Variants in ESRRB observed in about 807,000 individuals in gnomAD.
The protein encoded by ESRRB is estrogen related receptor beta.
A neutral mutation model predicts 46.0 loss-of-function variants in ESRRB; 16 were observed. The ratio of observed to expected loss-of-function variants is 0.35; its 90% confidence interval spans 0.24 to 0.53. The LOEUF is 0.53. Among genes scored for constraint, ESRRB ranks in the 20% least tolerant of loss-of-function variants. The probability of loss-of-function intolerance (pLI) is 0.93; values close to 1 mark genes in which losing one functional copy is unlikely to be tolerated. For missense variants in ESRRB, 488 were observed against 607.4 expected, an observed-to-expected ratio of 0.80 and a Z score of 2.07; for synonymous variants, 246 against 259.6, an observed-to-expected ratio of 0.95 and a Z score of 0.50.
chr14:76,355,876 G>T (rs115522879), intron 1 of ESRRB, among the ~76,000 whole-genome samples: 213 of 152,242 alleles, frequency 1.4e-3, no homozygotes, highest in African/African-American at 4.8e-3. Flanking sequence ...ATGGTGAATA[G>T]TATTCTCTCT....
Position 76,358,392 on chromosome 14 carries a change from AAAGAAAGAAAGAAAG to A in ESRRB, c.2+47479_2+47493del, listed in dbSNP as rs1566859690. The stretch of plus-strand genomic sequence containing the variant: ...GAAAGAAAGAAAGAAAGAAAGAAAG[AAAGAAAGAAAGAAAG>A]AAAGAAAAGAAAAGAAAAAGAAAAA... On this transcript the variant is annotated intron_variant, in intron 1 of 6. Coordinates refer to the ESRRB transcript ENST00000512784. Among the ~76,000 whole-genome samples, 32 of 124,016 alleles carry A rather than the reference AAAGAAAGAAAGAAAG, an allele frequency of 2.6e-4. 1 individual carries two copies. Among genetic ancestry groups the A allele is most frequent in the African/African-American group, 5.7e-4 (18 of 31,524 alleles). The allele number at this position is 124,016 out of a possible 152,430, so 81.4% of individuals were successfully genotyped here.
At chr14:76,437,239 C>G (rs988098603) in intron 1 of ESRRB, among the ~76,000 whole-genome samples, 5 of 152,126 alleles carry the variant, frequency 3.3e-5, no homozygotes, top group African/African-American at 1.2e-4. Context: ...ACCATGTTGG[C>G]CAGGCTGGTC....
chr14:76,416,603 A>G (rs901173053), intron 1 of ESRRB, among the ~76,000 whole-genome samples: 5 of 151,748 alleles, frequency 3.3e-5, no homozygotes, highest in African/African-American at 1.2e-4. Context: ...CTGAGTAGCT[A>G]GGATTACAGA....
At chr14:76,447,073 G>T (rs554202839) in intron 2 of ESRRB, among the ~76,000 whole-genome samples, 1 of 152,084 alleles carries the variant, frequency 6.6e-6, no homozygotes, top group East Asian at 1.9e-4. Context: ...AGCTGCTTCC[G>T]TTCACTGATT....
intron 1 of ESRRB, among the ~76,000 whole-genome samples, chr14:76,384,541 C>A (rs1285205478): frequency 1.3e-5 from 2 of 152,128 alleles, no homozygotes; most frequent in Non-Finnish European, 2.9e-5. Context: ...ACGGTGTTAA[C>A]CACCTGGCCC....
At chr14:76,484,081 C>T (rs746817033) in intron 5 of ESRRB, among the ~76,000 whole-genome samples, 1 of 152,216 alleles carries the variant, frequency 6.6e-6, no homozygotes, top group Non-Finnish European at 1.5e-5. Flanking sequence ...GTCTCGAACT[C>T]CTGCCCTCAA....
At chr14:76,387,346 G>GC (rs1450867328) in intron 1 of ESRRB, among the ~76,000 whole-genome samples, 5 of 152,192 alleles carry the variant, frequency 3.3e-5, no homozygotes, top group Non-Finnish European at 5.9e-5. Context: ...GAGCTCTAGA[G>GC]CCCCCTACAG....
At chr14:76,394,979 C>T (rs1043518327) in intron 1 of ESRRB, among the ~76,000 whole-genome samples, 13 of 152,278 alleles carry the variant, frequency 8.5e-5, no homozygotes, top group African/African-American at 2.4e-4. Flanking sequence ...GCCGTCTGGG[C>T]GAGGTGGCCT....
chr14:76,332,829 T>TCA (rs1566853480), intron 1 of ESRRB, among the ~76,000 whole-genome samples: 1 of 10,086 alleles, frequency 9.9e-5, no homozygotes, highest in Non-Finnish European at 1.8e-4. Context: ...TTTATATATT[T>TCA]ATATATTATA....
chr14:76,370,239 A>C (rs1220447981), upstream of ESRRB, among the ~76,000 whole-genome samples: 3 of 151,600 alleles, frequency 2.0e-5, no homozygotes, highest in Non-Finnish European at 4.4e-5. Context: ...AAAAAAAAAA[A>C]ACACAAAAGT....
In ESRRB at chr14:76,499,858, C is replaced by T; in HGVS notation, c.*1400C>T. 2 of 1,613,976 alleles carry T rather than the reference C, an allele frequency of 1.2e-6. No individual in the cohort carries two copies. Among genetic ancestry groups the T allele is most frequent in the Non-Finnish European group, 8.5e-7 (1 of 1,179,826 alleles). ...GCAGCCCTGAACACCCATTTGTGCT[C>T]ACAGGTTGGCCAAGAGCAGCTTAGA... On this transcript the variant is annotated 3_prime_UTR_variant, in exon 7 of 7. Coordinates refer to ENST00000644823, the MANE Select transcript of ESRRB (RefSeq NM_001379180.1).
At chr14:76,437,701 A>T (rs9944056) in intron 1 of ESRRB, among the ~76,000 whole-genome samples, 62,210 of 151,978 alleles carry the variant, frequency 0.41, 13,248 homozygotes, top group African/African-American at 0.52. Context: ...CCACCCTCAG[A>T]CCCAATCCTG....
rs1455310268 is a variant in ESRRB, at chr14:76,439,567, T to C, written c.277T>C (p.Cys93Arg). ...AGGCGCCGGGCTGGGAGGCACCCCA[T>C]GCCGCAAGAGCTACGAGGACTGTGC... ...FAGAGLGGTPCRKSYEDCASG... is the reference protein window; with the variant it reads ...FAGAGLGGTPRRKSYEDCASG... Residue 93 changes from cysteine (C) to arginine (R), a missense_variant, in exon 2 of 7, where the codon TGC (cysteine) becomes CGC (arginine). By Grantham distance (180) the Cys-to-Arg change is radical (BLOSUM62 -3). Coordinates refer to ENST00000644823, the MANE Select transcript of ESRRB (RefSeq NM_001379180.1). 1.9e-6 allele frequency: 3 copies of C among 1,614,100 alleles called. No individual in the cohort carries two copies. The highest frequency in any genetic ancestry group is 1.6e-4 in the Middle Eastern group (1 of 6,062).
chr14:76,410,232 A>T (rs183692418), intron 1 of ESRRB, among the ~76,000 whole-genome samples: 96 of 152,158 alleles, frequency 6.3e-4, no homozygotes, highest in African/African-American at 2.2e-3. Context: ...CAAAACAAAC[A>T]AACAAACAAA....
At chr14:76,467,857 C>T (rs966110152) in intron 3 of ESRRB, among the ~76,000 whole-genome samples, 2 of 152,180 alleles carry the variant, frequency 1.3e-5, no homozygotes, top group African/African-American at 4.8e-5. Context: ...TCCCCGCCAA[C>T]TTCACCTCCT....
At chr14:76,366,857 T>A (rs1884528076), upstream of ESRRB, among the ~76,000 whole-genome samples, 1 of 152,124 alleles carries the variant, frequency 6.6e-6, no homozygotes, top group African/African-American at 2.4e-5. Context: ...AGGACCTGTG[T>A]GGGGCTCTGC....
intron 1 of ESRRB, among the ~76,000 whole-genome samples, chr14:76,386,253 A>T (rs1885223252): frequency 6.6e-6 from 1 of 152,172 alleles, no homozygotes; most frequent in Admixed American, 6.5e-5. Context: ...AAAATACAGG[A>T]TACCCAGTTA....
intron 2 of ESRRB, among the ~76,000 whole-genome samples, chr14:76,446,613 C>T (rs1888159907): frequency 6.6e-6 from 1 of 152,168 alleles, no homozygotes; most frequent in Non-Finnish European, 1.5e-5. Context: ...GGCAAAGCCA[C>T]CACTCCTAGG....
intron 2 of ESRRB, among the ~76,000 whole-genome samples, chr14:76,441,229 T>C (rs1436040531): frequency 6.6e-6 from 1 of 152,280 alleles, no homozygotes; most frequent in East Asian, 1.9e-4. Flanking sequence ...TTTTTATCAA[T>C]ACATTTGCAT....
Sources: gnomAD v4.1 joint callset for allele counts (sites outside exome capture counted in the v4.1 genomes callset) on GRCh38, gnomAD v4.1.1 for gene constraint, MANE v1.5 for transcripts, NCBI Gene and HGNC (gene_info 2026-07-23, HGNC 2026-07-21) for gene names.